The following SLC45A2 variants were observed in gnomAD, a reference collection of about 807,000 sequenced individuals.
SLC45A2 encodes the protein membrane-associated transporter protein.
A neutral mutation model predicts 45.5 loss-of-function variants in SLC45A2; 36 were observed. That is an observed-to-expected ratio of 0.79 (90% confidence interval 0.61 to 1.04). The LOEUF is 1.04. SLC45A2 is among the 50% of genes least tolerant of loss of function. The pLI, the probability that SLC45A2 is intolerant of heterozygous loss-of-function variation, is 0.00. For missense variants in SLC45A2, 719 were observed against 671.0 expected, an observed-to-expected ratio of 1.07 and a Z score of -0.79; for synonymous variants, 306 against 269.3, an observed-to-expected ratio of 1.14 and a Z score of -1.33.
intron 2 of SLC45A2, among the ~76,000 whole-genome samples, chr5:33,965,961 T>C (rs1020245758): frequency 2.0e-5 from 3 of 152,218 alleles, no homozygotes; most frequent in East Asian, 1.9e-4. Context: ...GAAACTATCA[T>C]TTGTAAACAG....
At chr5:33,970,533 C>T (rs1456965502) in intron 2 of SLC45A2, among the ~76,000 whole-genome samples, 1 of 151,272 alleles carries the variant, frequency 6.6e-6, no homozygotes, top group African/African-American at 2.4e-5. Context: ...ACTCATGAAC[C>T]ACATCTTTGG....
intron 2 of SLC45A2, among the ~76,000 whole-genome samples, chr5:33,974,879 G>A (rs1453963293): frequency 3.3e-5 from 5 of 152,164 alleles, no homozygotes; most frequent in Admixed American, 3.3e-4. Context: ...AACATTAAAG[G>A]AGAGACAAAT....
At chr5:33,950,767 A>G (rs1752073367) in intron 5 of SLC45A2, among the ~76,000 whole-genome samples, 1 of 152,216 alleles carries the variant, frequency 6.6e-6, no homozygotes, top group African/African-American at 2.4e-5. Context: ...GGGGTCAGTT[A>G]TTCTTACAAT....
At chr5:33,951,020 A>C (rs558861144) in intron 5 of SLC45A2, among the ~76,000 whole-genome samples, 48 of 152,288 alleles carry the variant, frequency 3.2e-4, no homozygotes, top group African/African-American at 1.1e-3. Flanking sequence ...AGGTAAGTGG[A>C]GGTTAAGAGG....
chr5:33,975,636 T>C (rs1417210073), intron 2 of SLC45A2, among the ~76,000 whole-genome samples: 2 of 152,254 alleles, frequency 1.3e-5, no homozygotes, highest in Admixed American at 6.5e-5. Flanking sequence ...TTTTATGTGA[T>C]AGCTACCAGC....
Position 33,963,787 on chromosome 5 carries a change from T to C in SLC45A2, c.792A>G (p.Gly264=), listed in dbSNP as rs1428511692. The C allele has an allele frequency of 1.6e-5, 26 of 1,614,202 alleles. No homozygotes were observed. Among genetic ancestry groups the C allele is most frequent in the Non-Finnish European group, 2.2e-5 (26 of 1,180,030 alleles). The change falls in exon 3 of 7, where the codon GGA becomes GGG. Residue 264 remains glycine (G), a synonymous_variant. Coordinates refer to ENST00000296589, the MANE Select transcript of SLC45A2 (RefSeq NM_016180.5). ...TPQDPPLSSD[G]MYEYGSIEKV... Reference sequence around the variant, plus strand: ...TCTCGATAGAACCATACTCGTACATTCCATCTGATGACAATGGAGGGTCCT... The same window carrying C: ...TCTCGATAGAACCATACTCGTACATCCCATCTGATGACAATGGAGGGTCCT...
intron 2 of SLC45A2, among the ~76,000 whole-genome samples, chr5:33,965,015 C>CAGCATATGTG (rs1241484904): frequency 1.3e-5 from 2 of 152,146 alleles, no homozygotes; most frequent in Admixed American, 6.5e-5. Flanking sequence ...TGGACACATC[C>CAGCATATGTG]ACTACATATG....
intron 5 of SLC45A2, among the ~76,000 whole-genome samples, chr5:33,950,534 G>C (rs1752068276): frequency 1.3e-5 from 2 of 152,200 alleles, no homozygotes; most frequent in African/African-American, 4.8e-5. Context: ...TTTTTAAGAG[G>C]TCTTGAGGCA....
At chr5:33,956,495 C>T (rs1752280149) in intron 3 of SLC45A2, among the ~76,000 whole-genome samples, 1 of 152,102 alleles carries the variant, frequency 6.6e-6, no homozygotes, top group Admixed American at 6.5e-5. Flanking sequence ...TGTTGACTTT[C>T]TGGAAGGCCA....
chr5:33,978,569 CT>C (rs1752994163), intron 2 of SLC45A2, among the ~76,000 whole-genome samples: 1 of 152,188 alleles, frequency 6.6e-6, no homozygotes, highest in African/African-American at 2.4e-5. Context: ...GCATTTCTTT[CT>C]GTTGACTTCA....
intron 2 of SLC45A2, among the ~76,000 whole-genome samples, chr5:33,966,101 A>G (rs1285641854): frequency 6.6e-6 from 1 of 152,214 alleles, no homozygotes; most frequent in Admixed American, 6.5e-5. Flanking sequence ...TGCTCATTTG[A>G]AAGAATTGAT....
Position 33,982,268 on chromosome 5 carries a change from T to C in SLC45A2, c.530A>G (p.Glu177Gly). 1.2e-6 allele frequency: 2 copies of C among 1,613,994 alleles called. No homozygotes were observed. Among genetic ancestry groups the C allele is most frequent in the Non-Finnish European group, 1.7e-6 (2 of 1,179,902 alleles). ...LFDVCSHQDK[E>G]KGLHYHALFT... ...GAGGGCATGGTAGTGGAGGCCCTTC[T>C]CCTTGTCCTGATGGGAGCAGACATC... The change falls in exon 2 of 7, where the codon GAG becomes GGG. Residue 177 changes from glutamate to glycine, a missense_variant. By Grantham distance (98) the Glu-to-Gly change is moderately conservative (BLOSUM62 -2). Coordinates refer to ENST00000296589, the MANE Select transcript of SLC45A2 (RefSeq NM_016180.5).
intron 4 of SLC45A2, among the ~76,000 whole-genome samples, chr5:33,954,060 C>A: frequency 6.6e-6 from 1 of 151,188 alleles, no homozygotes; most frequent in African/African-American, 2.4e-5. Context: ...ATTCATAAAG[C>A]AAGTCCTGAG....
intron 6 of SLC45A2, chr5:33,945,879 G>T: frequency 1.3e-6 from 1 of 794,588 alleles, no homozygotes; most frequent in Non-Finnish European, 1.5e-6. Flanking sequence ...ACATTTGCTT[G>T]GTTTTTATTT....
chr5:33,954,692 C>T (rs1249026838), intron 3 of SLC45A2, among the ~76,000 whole-genome samples, 188 bp from the exon 4 acceptor site: 1 of 152,132 alleles, frequency 6.6e-6, no homozygotes, highest in Non-Finnish European at 1.5e-5. Context: ...GCACGAGTGG[C>T]TGCTTGGCAG....
At chr5:33,952,693 T>G (rs963586950) in intron 4 of SLC45A2, among the ~76,000 whole-genome samples, 2 of 11,520 alleles carry the variant, frequency 1.7e-4, no homozygotes, top group Non-Finnish European at 1.4e-3. Context: ...TTTTTTTTAA[T>G]TTTTTTTTTT....
At chr5:33,954,286 C>T (rs1752204707) in intron 4 of SLC45A2, 75 bp downstream of exon 4, 1 of 1,593,278 alleles carries the variant, frequency 6.3e-7, no homozygotes, top group Non-Finnish European at 8.6e-7. Context: ...AGAGGATAGC[C>T]CAGAAGAACC....
intron 3 of SLC45A2, among the ~76,000 whole-genome samples, chr5:33,958,843 C>CCTCA (rs1159205373): frequency 1.3e-5 from 2 of 152,168 alleles, no homozygotes; most frequent in Non-Finnish European, 2.9e-5. Context: ...TTCATGTGAT[C>CCTCA]CTCACAGCAG....
Position 33,956,535 on chromosome 5 carries a change from G to A in SLC45A2, c.889-2031C>T, listed in dbSNP as rs186125987. Among the ~76,000 whole-genome samples the A allele has an allele frequency of 2.8e-3, 419 of 152,298 alleles. 2 individuals are homozygous for A. Among genetic ancestry groups the A allele is most frequent in the African/African-American group, 9.6e-3 (401 of 41,568 alleles). ...TTGATAATATCTACTTACTATGAGAGTGTTTTGAGAAAGTTAGCCAAAGCT... is the reference window on the plus strand; with the variant it reads ...TTGATAATATCTACTTACTATGAGAATGTTTTGAGAAAGTTAGCCAAAGCT... On this transcript the variant is annotated intron_variant, in intron 3 of 6. Transcript: ENST00000296589.
Sources: gnomAD v4.1 joint callset for allele counts (sites outside exome capture counted in the v4.1 genomes callset) on GRCh38, gnomAD v4.1.1 for gene constraint, MANE v1.5 for transcripts, NCBI Gene and HGNC (gene_info 2026-07-23, HGNC 2026-07-21) for gene names.